The following KCNIP4 variants were observed in gnomAD, a reference collection of about 807,000 sequenced individuals.
The protein encoded by KCNIP4 is Kv channel-interacting protein 4.
In KCNIP4, 12 loss-of-function variants were observed where a neutral mutation model predicts 34.0. The ratio of observed to expected loss-of-function variants is 0.35; its 90% confidence interval spans 0.23 to 0.57. The LOEUF is 0.57. Ranked by LOEUF, KCNIP4 falls within the 20% of genes least tolerant of loss-of-function variation. The pLI is 0.83. For missense variants in KCNIP4, 238 were observed against 311.7 expected (o/e 0.76, Z 1.78); for synonymous variants, 124 against 102.2 (o/e 1.21, Z -1.29).
chr4:20,822,731 A>T (rs1173604677), intron 3 of KCNIP4, among the ~76,000 whole-genome samples: 2 of 152,176 alleles, frequency 1.3e-5, no homozygotes, highest in Non-Finnish European at 2.9e-5. Flanking sequence ...TCACGGGGCC[A>T]GGGGTGGAAT....
At chr4:21,167,189 T>C (rs1753695472) in intron 1 of KCNIP4, among the ~76,000 whole-genome samples, 1 of 152,016 alleles carries the variant, frequency 6.6e-6, no homozygotes, top group African/African-American at 2.4e-5. Context: ...AACAGACCCA[T>C]GTTTTCCTGG....
intron 1 of KCNIP4, among the ~76,000 whole-genome samples, chr4:20,970,938 T>TG (rs1560611336): frequency 6.6e-6 from 1 of 152,148 alleles, no homozygotes. Context: ...AGACATCAAG[T>TG]GTTTAATGCA....
intron 1 of KCNIP4, among the ~76,000 whole-genome samples, chr4:21,153,859 T>C (rs909197692): frequency 1.3e-5 from 2 of 152,018 alleles, no homozygotes; most frequent in South Asian, 2.1e-4. Flanking sequence ...ATCAGGTATA[T>C]CCACTCAGTA....
chr4:21,537,672 A>G, intron 1 of KCNIP4, among the ~76,000 whole-genome samples: 1 of 152,166 alleles, frequency 6.6e-6, no homozygotes, highest in Non-Finnish European at 1.5e-5. Context: ...ACTGTATTAG[A>G]GAGGGCCCTG....
chr4:21,741,294 G>C (rs1391182103), intron 1 of KCNIP4, among the ~76,000 whole-genome samples: 1 of 152,152 alleles, frequency 6.6e-6, no homozygotes, highest in East Asian at 1.9e-4. Flanking sequence ...TGAAAAGATA[G>C]ATAAACTCGA....
chr4:21,684,125 T>TA (rs983190713), intron 1 of KCNIP4, among the ~76,000 whole-genome samples: 3 of 151,700 alleles, frequency 2.0e-5, no homozygotes, highest in African/African-American at 7.3e-5. Flanking sequence ...AAATAAAAGT[T>TA]AAAAAAAATA....
intron 1 of KCNIP4, among the ~76,000 whole-genome samples, chr4:21,205,127 T>A (rs1756756291): frequency 6.6e-6 from 1 of 152,170 alleles, no homozygotes; most frequent in African/African-American, 2.4e-5. Context: ...GTGGAGTAAA[T>A]ACTGGGTCGA....
intron 1 of KCNIP4, among the ~76,000 whole-genome samples, chr4:21,237,726 A>T (rs1362965471): frequency 6.6e-6 from 1 of 152,194 alleles, no homozygotes; most frequent in Non-Finnish European, 1.5e-5. Context: ...TCTGAAATTG[A>T]GGCAATAATT....
At chr4:21,760,700 A>G (rs1280077595) in intron 1 of KCNIP4, among the ~76,000 whole-genome samples, 1 of 152,070 alleles carries the variant, frequency 6.6e-6, no homozygotes, top group South Asian at 2.1e-4. Flanking sequence ...TCCTCTCTAA[A>G]TTTCTGTCAA....
chr4:21,726,463 T>C (rs571316645), intron 1 of KCNIP4, among the ~76,000 whole-genome samples: 12 of 152,130 alleles, frequency 7.9e-5, no homozygotes, highest in Non-Finnish European at 1.5e-4. Flanking sequence ...TCCCTAACTA[T>C]GGGATGACCT....
At chr4:21,018,823 C>A (rs367759293) in intron 1 of KCNIP4, among the ~76,000 whole-genome samples, 15 of 152,244 alleles carry the variant, frequency 9.9e-5, no homozygotes, top group African/African-American at 3.6e-4. Context: ...GTGAGAACTA[C>A]ATAAATGTTA....
At chr4:21,787,919 T>C (rs190231204) in intron 1 of KCNIP4, among the ~76,000 whole-genome samples, 16 of 152,002 alleles carry the variant, frequency 1.1e-4, no homozygotes, top group Admixed American at 9.2e-4. Flanking sequence ...CAATCAAATG[T>C]GCCATGGGAA....
At chr4:21,156,424 A>G (rs1485336407) in intron 1 of KCNIP4, among the ~76,000 whole-genome samples, 2 of 152,192 alleles carry the variant, frequency 1.3e-5, no homozygotes, top group African/African-American at 2.4e-5. Flanking sequence ...CTAGGGGATC[A>G]TGAAACAATT....
chr4:21,616,558 G>A (rs6848248), intron 1 of KCNIP4, among the ~76,000 whole-genome samples: 79,012 of 151,962 alleles, frequency 0.52, 20,696 homozygotes, highest in East Asian at 0.72. Context: ...TCATGTTAGA[G>A]GTTATATGTC....
At chr4:21,349,144 C>G (rs1454801096) in intron 1 of KCNIP4, among the ~76,000 whole-genome samples, 1 of 152,142 alleles carries the variant, frequency 6.6e-6, no homozygotes, top group African/African-American at 2.4e-5. Flanking sequence ...ATCACTTAAT[C>G]TCAATTTCCT....
intron 1 of KCNIP4, among the ~76,000 whole-genome samples, chr4:21,782,420 G>A (rs777662501): frequency 2.3e-4 from 35 of 152,216 alleles, no homozygotes; most frequent in Non-Finnish European, 4.1e-4. Flanking sequence ...ACAGCTGGAT[G>A]TGGTGATTCA....
chr4:21,257,967 T>C (rs1330854899), intron 1 of KCNIP4, among the ~76,000 whole-genome samples: 1 of 152,174 alleles, frequency 6.6e-6, no homozygotes, highest in African/African-American at 2.4e-5. Context: ...TTGCCTCTCA[T>C]CAAATCTCTC....
At chr4:21,291,407 T>C (rs1763450572) in intron 1 of KCNIP4, among the ~76,000 whole-genome samples, 1 of 134,220 alleles carries the variant, frequency 7.5e-6, no homozygotes, top group South Asian at 2.8e-4. Flanking sequence ...ATTATAAACC[T>C]CACTGATCTT....
chr4:21,191,738 G>A (rs905939217), intron 1 of KCNIP4, among the ~76,000 whole-genome samples: 2 of 152,122 alleles, frequency 1.3e-5, no homozygotes, highest in African/African-American at 4.8e-5. Flanking sequence ...ATTTAAGAAA[G>A]GCTGAGTTAT....
Sources: gnomAD v4.1 joint callset for allele counts (sites outside exome capture counted in the v4.1 genomes callset) on GRCh38, gnomAD v4.1.1 for gene constraint, MANE v1.5 for transcripts, NCBI Gene and HGNC (gene_info 2026-07-23, HGNC 2026-07-21) for gene names.